SLC43A2: variants seen among roughly 807,000 people sequenced by gnomAD.
SLC43A2 encodes the protein solute carrier family 43 member 2, also known as large neutral amino acids transporter small subunit 4.
A neutral mutation model predicts 63.2 loss-of-function variants in SLC43A2; 38 were observed. That is an observed-to-expected ratio of 0.60 (90% confidence interval 0.46 to 0.79). The LOEUF (loss-of-function observed/expected upper bound fraction) is 0.79. Among genes scored for constraint, SLC43A2 ranks in the 30% least tolerant of loss-of-function variants. The pLI, the probability that SLC43A2 is intolerant of heterozygous loss-of-function variation, is 0.00. For missense variants in SLC43A2, 644 were observed against 756.2 expected, an observed-to-expected ratio of 0.85 and a Z score of 1.74; for synonymous variants, 322 against 331.0, an observed-to-expected ratio of 0.97 and a Z score of 0.30.
At position 1,600,152 on chromosome 17, in the gene SLC43A2, A is replaced by ATATAT. The variant is rs1216616243; in HGVS notation, c.502-6874_502-6873insATATA. Among the ~76,000 whole-genome samples the ATATAT allele has an allele frequency of 3.0e-3, 181 of 60,280 alleles. 3 individuals are homozygous for ATATAT. The highest frequency in any genetic ancestry group is 7.6e-3 in the African/African-American group (142 of 18,650). 39.5% of individuals were successfully genotyped at this position (60,280 alleles called of 152,430 possible). On this transcript the variant is annotated intron_variant, in intron 5 of 13. Transcript: ENST00000301335. ...ATTAATTGAATATATATATATATAT[A>ATATAT]TTTTTTTTTTTTTTTTGAGACGGAG...
At chr17:1,597,790 C>T (rs1053254694) in intron 5 of SLC43A2, among the ~76,000 whole-genome samples, 4 of 151,488 alleles carry the variant, frequency 2.6e-5, no homozygotes, top group Non-Finnish European at 4.4e-5. Context: ...CAGAGTGAGA[C>T]TCCGTCTCAA....
At chr17:1,626,503 T>C (rs1334684289) in intron 2 of SLC43A2, among the ~76,000 whole-genome samples, 1 of 152,162 alleles carries the variant, frequency 6.6e-6, no homozygotes, top group African/African-American at 2.4e-5. Flanking sequence ...CTTTCTGTCC[T>C]CTCCCCGCGG....
rs1231631563 is a variant in SLC43A2, at chr17:1,569,507, TCTC to T, written c.*6094_*6096del. 1 of 152,166 alleles carries T rather than the reference TCTC, an allele frequency of 6.6e-6. No individual in the cohort carries two copies. Among genetic ancestry groups the T allele is most frequent in the East Asian group, 1.9e-4 (1 of 5,196 alleles). 9.4% of individuals were successfully genotyped at this position (152,166 alleles called of 1,614,324 possible). ...ATTCAGCGAGGTAAGACGCTTCCCCTCTCCTCCATTCAGAGAGCGGCACACAAG... is the reference window on the plus strand; with the variant it reads ...ATTCAGCGAGGTAAGACGCTTCCCCTCTCCATTCAGAGAGCGGCACACAAG... On this transcript the variant is annotated 3_prime_UTR_variant, in exon 14 of 14. Transcript: ENST00000301335.
intron 9 of SLC43A2, among the ~76,000 whole-genome samples, chr17:1,589,486 A>T (rs537361719): frequency 1.6e-4 from 24 of 152,218 alleles, no homozygotes; most frequent in Admixed American, 1.4e-3. Flanking sequence ...GCACCTGGGG[A>T]GCCCTAAGAG....
chr17:1,613,357 G>C, intron 4 of SLC43A2, 86 bp from the exon 5 acceptor site: 1 of 1,224,202 alleles, frequency 8.2e-7, no homozygotes, highest in Non-Finnish European at 1.2e-6. Flanking sequence ...GCGCGGTGCA[G>C]GCTCCCAGTA....
intron 2 of SLC43A2, among the ~76,000 whole-genome samples, chr17:1,627,184 G>T (rs887428853): frequency 6.6e-6 from 1 of 152,174 alleles, no homozygotes; most frequent in Admixed American, 6.5e-5. Flanking sequence ...TCATAAGGCA[G>T]CAAAAATAGA....
intron 2 of SLC43A2, among the ~76,000 whole-genome samples, chr17:1,622,746 T>C (rs1328209584): frequency 6.6e-6 from 1 of 151,328 alleles, no homozygotes; most frequent in African/African-American, 2.4e-5. Flanking sequence ...AAACCCTGTC[T>C]CTACTAAAAA....
intron 9 of SLC43A2, among the ~76,000 whole-genome samples, chr17:1,587,487 G>T (rs977775309): frequency 6.6e-6 from 1 of 152,226 alleles, no homozygotes; most frequent in Admixed American, 6.5e-5. Flanking sequence ...TCCACTCCAA[G>T]AAACGGGGAC....
rs1301657164 is a variant in SLC43A2 at position 1,575,365 on chromosome 17, C to CGG, written c.*237_*238dup. The CGG allele has an allele frequency of 1.8e-6, 1 of 564,102 alleles. No homozygotes were observed. The highest frequency in any genetic ancestry group is 2.1e-5 in the South Asian group (1 of 47,796). 34.9% of individuals were successfully genotyped at this position (564,102 alleles called of 1,614,324 possible). A position where few individuals can be genotyped will look rare whatever the true frequency, so the allele number is the denominator to read the frequency against. ...ACAGAGACCCCAGGCCCCGGGTCCCCGGGGGGCGGCAGAGCAAAGTCAGGG... is the reference window on the plus strand; with the variant it reads ...ACAGAGACCCCAGGCCCCGGGTCCCCGGGGGGGGCGGCAGAGCAAAGTCAGGG... On this transcript the variant is annotated 3_prime_UTR_variant, in exon 14 of 14. Coordinates refer to ENST00000301335, the MANE Select transcript of SLC43A2 (RefSeq NM_152346.3).
At chr17:1,604,894 C>G in intron 5 of SLC43A2, 1 of 1,534,928 alleles carries the variant, frequency 6.5e-7, no homozygotes, top group South Asian at 1.2e-5. Context: ...TTCCCTGCCT[C>G]CACCGGTCTC....
Position 1,616,885 on chromosome 17 carries a change from G to A in SLC43A2, c.161-116C>T, listed in dbSNP as rs914217553. 1.2e-4 allele frequency: 144 copies of A among 1,169,090 alleles called. No individual in the cohort carries two copies. In the African/African-American group the frequency reaches 1.4e-3, roughly 12 times the overall value. 72.4% of individuals were successfully genotyped at this position (1,169,090 alleles called of 1,614,324 possible). ...ACTGGGAATGCCAGGGCTGGCTGGC[G>A]GCCTCTCGAGGGCTCAGGCTACCCC... On this transcript the variant is annotated intron_variant, in intron 2 of 13. Transcript: ENST00000301335.
intron 2 of SLC43A2, among the ~76,000 whole-genome samples, chr17:1,621,251 C>T (rs183094427): frequency 3.3e-5 from 5 of 152,156 alleles, no homozygotes; most frequent in African/African-American, 1.2e-4. Context: ...CCCCACACCC[C>T]GGGGAGACAA....
At chr17:1,610,630 C>A (rs1019139403) in intron 5 of SLC43A2, among the ~76,000 whole-genome samples, 1 of 150,370 alleles carries the variant, frequency 6.7e-6, no homozygotes, top group Non-Finnish European at 1.5e-5. Flanking sequence ...GGAATCCCAG[C>A]ACTTTGGGAG....
chr17:1,570,845 C>T lies in SLC43A2; in HGVS notation c.*4759G>A, dbSNP rs1438763310. 2.0e-5 allele frequency: 3 copies of T among 152,314 alleles called. No homozygotes were observed. Among genetic ancestry groups the T allele is most frequent in the African/African-American group, 7.2e-5 (3 of 41,462 alleles). The allele number at this position is 152,314 out of a possible 1,614,324, so 9.4% of individuals were successfully genotyped here. ...CATGCGGGTCTTCACTGCGTATCCA[C>T]GTAGCTGCACCACGCAGGCATTCTT... On this transcript the variant is annotated 3_prime_UTR_variant, in exon 14 of 14. Transcript: ENST00000301335.
At chr17:1,602,008 A>G (rs1181302369) in intron 5 of SLC43A2, among the ~76,000 whole-genome samples, 1 of 137,986 alleles carries the variant, frequency 7.2e-6, no homozygotes, top group East Asian at 2.2e-4. Context: ...ACTACCCCAG[A>G]CGTGTACCGC....
chr17:1,600,152 A>ATATATATATATATATATATATATTTTTT (rs1216616243), intron 5 of SLC43A2, among the ~76,000 whole-genome samples: 4 of 60,274 alleles, frequency 6.6e-5, no homozygotes, highest in Non-Finnish European at 1.3e-4. Flanking sequence ...ATATATATAT[A>ATATATATATATATATATATATATTTTTT]TTTTTTTTTT....
intron 3 of SLC43A2, among the ~76,000 whole-genome samples, chr17:1,615,896 A>T (rs1475107272): frequency 6.7e-6 from 1 of 149,554 alleles, no homozygotes; most frequent in Non-Finnish European, 1.5e-5. Context: ...TATAAAAATT[A>T]GCTGGGTGTG....
chr17:1,584,540 G>A (rs551842689), intron 10 of SLC43A2, among the ~76,000 whole-genome samples: 10 of 152,160 alleles, frequency 6.6e-5, no homozygotes, highest in South Asian at 2.1e-4. Flanking sequence ...TTGGCTGGGC[G>A]TGGTGGCTTA....
chr17:1,602,518 C>T lies in SLC43A2; in HGVS notation c.502-9239G>A, dbSNP rs376359324. 1.3e-4 allele frequency among the ~76,000 whole-genome samples: 20 copies of T among 151,866 alleles called. No homozygotes were observed. The East Asian group carries it at 3.9e-3, about 30-fold the overall frequency. On this transcript the variant is annotated intron_variant, in intron 5 of 13. Transcript: ENST00000301335. ...AAAATTAGCCGGACATGGTGGCAGG[C>T]ACCTGTAATCCTAGCTACTTGGGAA...
Sources: gnomAD v4.1 joint callset for allele counts (sites outside exome capture counted in the v4.1 genomes callset) on GRCh38, gnomAD v4.1.1 for gene constraint, MANE v1.5 for transcripts, NCBI Gene and HGNC (gene_info 2026-07-23, HGNC 2026-07-21) for gene names.